Variants in RNF216 observed in about 807,000 individuals in gnomAD.
The protein encoded by RNF216 is E3 ubiquitin-protein ligase RNF216.
Under a neutral mutation model 110.8 loss-of-function variants are expected in RNF216, and 72 were observed. That is an observed-to-expected ratio of 0.65 (90% CI 0.54 to 0.79). The LOEUF is 0.79. RNF216 is among the 30% of genes least tolerant of loss of function. The pLI is 0.00. For synonymous variants in RNF216, 495 were observed against 407.5 expected, an observed-to-expected ratio of 1.21 and a Z score of -2.59; for missense variants, 1,342 against 1,141.2, an observed-to-expected ratio of 1.18 and a Z score of -2.54.
intron 13 of RNF216, among the ~76,000 whole-genome samples, chr7:5,659,484 G>C (rs1788963857): frequency 6.6e-6 from 1 of 152,138 alleles, no homozygotes; most frequent in Non-Finnish European, 1.5e-5. Context: ...GCCCAGTGGG[G>C]GAGAGTGGAG....
intron 9 of RNF216, among the ~76,000 whole-genome samples, chr7:5,719,286 G>A (rs916110760): frequency 7.2e-5 from 11 of 152,170 alleles, no homozygotes; most frequent in African/African-American, 2.7e-4. Context: ...GAGATGGAAG[G>A]ACTGCTTGAG....
chr7:5,773,415 G>C (rs949912761), intron 1 of RNF216, among the ~76,000 whole-genome samples: 2 of 151,608 alleles, frequency 1.3e-5, no homozygotes, highest in Non-Finnish European at 2.9e-5. Context: ...CTAGTTTTTT[G>C]TATTTTTAGT....
chr7:5,726,632 T>C (rs888473581), intron 7 of RNF216, among the ~76,000 whole-genome samples: 3 of 151,946 alleles, frequency 2.0e-5, no homozygotes, highest in Admixed American at 2.0e-4. Context: ...CCGAGGCAGG[T>C]GGATCACCTG....
chr7:5,657,641 T>A (rs1476301440), intron 13 of RNF216, among the ~76,000 whole-genome samples: 1 of 152,146 alleles, frequency 6.6e-6, no homozygotes, highest in Non-Finnish European at 1.5e-5. Context: ...GCCCACACAC[T>A]TGACTATTCG....
intron 1 of RNF216, among the ~76,000 whole-genome samples, chr7:5,777,822 A>T (rs1796867345): frequency 6.6e-6 from 1 of 152,252 alleles, no homozygotes; most frequent in Admixed American, 6.5e-5. Flanking sequence ...AAGGTTTTAA[A>T]TCAAAAATTA....
At chr7:5,655,903 C>T (rs1788710772) in intron 13 of RNF216, among the ~76,000 whole-genome samples, 1 of 152,138 alleles carries the variant, frequency 6.6e-6, no homozygotes, top group Non-Finnish European at 1.5e-5. Flanking sequence ...GTCACCCTGG[C>T]TGGAGTGCTG....
intron 2 of RNF216, among the ~76,000 whole-genome samples, chr7:5,755,517 C>T (rs1371199451): frequency 6.6e-6 from 1 of 152,314 alleles, no homozygotes; most frequent in Admixed American, 6.5e-5. Flanking sequence ...CCAATTTCTG[C>T]TCTCCTTCGT....
chr7:5,715,452 G>A (rs1792987474), intron 10 of RNF216, among the ~76,000 whole-genome samples: 1 of 152,058 alleles, frequency 6.6e-6, no homozygotes. Context: ...TTTATATAAA[G>A]TTATCATATT....
At chr7:5,712,472 C>CAAA (rs777046723) in intron 12 of RNF216, among the ~76,000 whole-genome samples, 1 of 109,458 alleles carries the variant, frequency 9.1e-6, no homozygotes, top group Non-Finnish European at 1.9e-5. Context: ...GAATCCACCT[C>CAAA]AAAAAAAAAA....
intron 5 of RNF216, among the ~76,000 whole-genome samples, chr7:5,738,440 G>C (rs1794561896): frequency 1.3e-5 from 2 of 152,170 alleles, no homozygotes; most frequent in East Asian, 1.9e-4. Flanking sequence ...TGGGAGCGGT[G>C]GCTCACACCT....
At chr7:5,761,345 CA>C (rs1300364485) in intron 1 of RNF216, among the ~76,000 whole-genome samples, 2 of 150,484 alleles carry the variant, frequency 1.3e-5, no homozygotes, top group Non-Finnish European at 3.0e-5. Context: ...ATTAAAGAGA[CA>C]AAGTACTGAC....
chr7:5,769,307 G>C (rs1428484527), intron 1 of RNF216, among the ~76,000 whole-genome samples: 1 of 151,246 alleles, frequency 6.6e-6, no homozygotes, highest in Non-Finnish European at 1.5e-5. Flanking sequence ...TAGTAGAGAA[G>C]GGGTTTCACC....
chr7:5,716,673 C>T lies in RNF216; in HGVS notation c.1695+43G>A, dbSNP rs554162112. 26 of 1,471,186 alleles carry T rather than the reference C, an allele frequency of 1.8e-5. No individual in the cohort carries two copies. The East Asian group carries it at 5.8e-4, about 33-fold the overall frequency. 91.1% of individuals were successfully genotyped at this position (1,471,186 alleles called of 1,614,324 possible). On this transcript the variant is annotated intron_variant, in intron 10 of 16. Transcript: ENST00000389902. The stretch of plus-strand genomic sequence containing the variant: ...ACAAAACATGGTAAGAGAAAACAGC[C>T]CATGAAAATGCCCAGAATAAACAAG...
At position 5,741,537 on chromosome 7, in the gene RNF216, C is replaced by T. The variant is rs944949390; in HGVS notation, c.480G>A (p.Pro160=). 8.1e-6 allele frequency: 13 copies of T among 1,614,030 alleles called. No individual in the cohort carries two copies. Among genetic ancestry groups the T allele is most frequent in the South Asian group, 3.3e-5 (3 of 91,090 alleles). The part of the protein sequence containing the change: ...GQTEREPKPG[P]SHNQAANDIV... ...TGTCATTTGCTGCTTGGTTATGACT[C>T]GGTCCAGGCTTGGGTTCTCTTTCTG... The change falls in exon 4 of 17, where the codon CCG becomes CCA. Residue 160 remains proline, a synonymous_variant. Transcript: ENST00000389902.
chr7:5,660,354 C>T (rs1789033575), intron 13 of RNF216, among the ~76,000 whole-genome samples: 1 of 126,092 alleles, frequency 7.9e-6, no homozygotes, highest in African/African-American at 3.0e-5. Flanking sequence ...TGCAGTGGCG[C>T]AATCTCGGCT....
At chr7:5,732,224 T>C (rs1343463737) in intron 5 of RNF216, among the ~76,000 whole-genome samples, 4 of 152,214 alleles carry the variant, frequency 2.6e-5, no homozygotes, top group East Asian at 3.8e-4. Context: ...ACTGAGGTTA[T>C]GCAAACCTTT....
chr7:5,767,837 G>A (rs1157170127), intron 1 of RNF216, among the ~76,000 whole-genome samples: 1 of 152,120 alleles, frequency 6.6e-6, no homozygotes, highest in African/African-American at 2.4e-5. Context: ...GACCTCAGGT[G>A]ATGCATTTGC....
chr7:5,768,175 GTGCGGTAGCTCA>G (rs1488862250), intron 1 of RNF216, among the ~76,000 whole-genome samples: 1 of 151,438 alleles, frequency 6.6e-6, no homozygotes, highest in Non-Finnish European at 1.5e-5. Flanking sequence ...AAATTACCAG[GTGCGGTAGCTCA>G]TGCCTGTAAT....
intron 10 of RNF216, among the ~76,000 whole-genome samples, chr7:5,716,070 T>G (rs1793044370): frequency 6.6e-6 from 1 of 152,150 alleles, no homozygotes; most frequent in African/African-American, 2.4e-5. Context: ...TTTTTAATTT[T>G]TATTAGAAAT....
Sources: allele counts gnomAD v4.1 joint callset (sites outside exome capture counted in the v4.1 genomes callset), GRCh38; gene constraint gnomAD v4.1.1; transcripts MANE v1.5; gene names NCBI Gene and HGNC (gene_info 2026-07-23, HGNC 2026-07-21).